Variants in PTPRD observed in about 807,000 individuals in gnomAD.
PTPRD encodes the protein protein tyrosine phosphatase receptor type D.
Under a neutral mutation model 214.5 loss-of-function variants are expected in PTPRD, and 34 were observed. The ratio of observed to expected loss-of-function variants is 0.16; its 90% CI spans 0.12 to 0.21. PTPRD has a LOEUF of 0.21. Among genes scored for constraint, PTPRD ranks in the 10% least tolerant of loss-of-function variants. The pLI, the probability that PTPRD is intolerant of heterozygous loss-of-function variation, is 1.00. For synonymous variants in PTPRD, 1,128 were observed against 845.7 expected (o/e 1.33, Z -5.79); for missense variants, 2,545 against 2,398.7 (o/e 1.06, Z -1.27).
At chr9:9,980,618 C>CAAAAAAAAAA (rs1202080056) in intron 4 of PTPRD, among the ~76,000 whole-genome samples, 8 of 23,266 alleles carry the variant, frequency 3.4e-4, no homozygotes, top group East Asian at 1.6e-3. Context: ...CAAAAAAAAA[C>CAAAAAAAAAA]AAAAAAAAAA....
intron 2 of PTPRD, among the ~76,000 whole-genome samples, chr9:10,567,536 A>G (rs909172410): frequency 6.6e-6 from 1 of 152,148 alleles, no homozygotes; most frequent in African/African-American, 2.4e-5. Flanking sequence ...AGGTTGTATT[A>G]GAGTGGGTGC....
At chr9:9,135,310 T>A (rs1223797067) in intron 10 of PTPRD, among the ~76,000 whole-genome samples, 6 of 152,230 alleles carry the variant, frequency 3.9e-5, no homozygotes, top group Non-Finnish European at 7.3e-5. Context: ...CAATATCTCT[T>A]GATTTATCAC....
intron 10 of PTPRD, among the ~76,000 whole-genome samples, chr9:9,034,433 T>C (rs1160284440): frequency 6.6e-6 from 1 of 152,192 alleles, no homozygotes; most frequent in African/African-American, 2.4e-5. Flanking sequence ...TTAAAATACC[T>C]GCACTATGTG....
At chr9:10,179,575 T>C (rs1017584054) in intron 3 of PTPRD, among the ~76,000 whole-genome samples, 8 of 152,180 alleles carry the variant, frequency 5.3e-5, no homozygotes, top group Middle Eastern at 3.4e-3. Flanking sequence ...GGGAAGTAAG[T>C]GCATATTAAA....
At chr9:9,557,215 G>C (rs1335732358) in intron 8 of PTPRD, among the ~76,000 whole-genome samples, 1 of 152,082 alleles carries the variant, frequency 6.6e-6, no homozygotes, top group East Asian at 1.9e-4. Flanking sequence ...AACTAGTTCA[G>C]GCCATGATGG....
chr9:8,562,226 G>T (rs2086674640), intron 14 of PTPRD, among the ~76,000 whole-genome samples: 1 of 151,966 alleles, frequency 6.6e-6, no homozygotes, highest in African/African-American at 2.4e-5. Context: ...TAAAAGTACT[G>T]AGGACTCATT....
At position 9,066,348 on chromosome 9, in the gene PTPRD, A is replaced by G. The variant is rs368134984; in HGVS notation, c.-142-47613T>C. Among the ~76,000 whole-genome samples the G allele has an allele frequency of 2.0e-5, 3 of 152,174 alleles. No individual in the cohort carries two copies. The East Asian group carries it at 5.8e-4, about 29-fold the overall frequency. On this transcript the variant is annotated intron_variant, in intron 10 of 45. Coordinates refer to ENST00000381196, the MANE Select transcript of PTPRD (RefSeq NM_002839.4). The stretch of plus-strand genomic sequence containing the variant: ...AAAACATATTTAACCTCTAAAAGAA[A>G]TGACAAGTCATATTTCCTATCTTTT...
At chr9:10,179,521 T>C (rs1177191849) in intron 3 of PTPRD, among the ~76,000 whole-genome samples, 3 of 152,044 alleles carry the variant, frequency 2.0e-5, no homozygotes, top group African/African-American at 7.2e-5. Context: ...AGTATTTATA[T>C]ATTGCTTGGA....
intron 7 of PTPRD, among the ~76,000 whole-genome samples, chr9:9,687,523 T>C (rs2097186781): frequency 1.4e-5 from 2 of 138,578 alleles, no homozygotes; most frequent in African/African-American, 2.6e-5. Context: ...AGGGAGAGCA[T>C]AGGGCAATTT....
At chr9:10,241,800 A>T (rs933615173) in intron 3 of PTPRD, among the ~76,000 whole-genome samples, 3 of 151,988 alleles carry the variant, frequency 2.0e-5, no homozygotes, top group African/African-American at 4.8e-5. Flanking sequence ...TATGTCAAAC[A>T]TATCCAACTG....
At chr9:8,723,286 G>A (rs1343032134) in intron 12 of PTPRD, among the ~76,000 whole-genome samples, 1 of 152,088 alleles carries the variant, frequency 6.6e-6, no homozygotes, top group East Asian at 1.9e-4. Context: ...TTCGGCTCAA[G>A]TGTTGTATCT....
intron 14 of PTPRD, among the ~76,000 whole-genome samples, chr9:8,583,950 G>A (rs758969084): frequency 6.6e-6 from 1 of 152,148 alleles, no homozygotes; most frequent in Non-Finnish European, 1.5e-5. Flanking sequence ...TTAGGCGTTT[G>A]AGATCAGCCT....
chr9:10,157,614 G>A lies in PTPRD; in HGVS notation c.-544-123824C>T, dbSNP rs150635403. On this transcript the variant is annotated intron_variant, in intron 3 of 45. Coordinates refer to ENST00000381196, the MANE Select transcript of PTPRD (RefSeq NM_002839.4). ...GGGGAATCTGATAATTATGTGACTT[G>A]GAAATGATCTTCTTGTGAAGTATCT... Among the ~76,000 whole-genome samples the A allele has an allele frequency of 5.7e-3, 868 of 152,000 alleles. 8 individuals carry two copies. The highest frequency in any genetic ancestry group is 0.016 in the African/African-American group (664 of 41,474).
rs550785467 is a variant in PTPRD, at chr9:8,572,621, A to G, written c.353-43842T>C. ...ACAACACAAAAATTCTTCAAGGGGAATTAGGCACTAGAATAACTGCTTAGA... is the reference window on the plus strand; with the variant it reads ...ACAACACAAAAATTCTTCAAGGGGAGTTAGGCACTAGAATAACTGCTTAGA... On this transcript the variant is annotated intron_variant, in intron 14 of 45. Coordinates refer to ENST00000381196, the MANE Select transcript of PTPRD (RefSeq NM_002839.4). 3.9e-5 allele frequency among the ~76,000 whole-genome samples: 6 copies of G among 152,188 alleles called. No individual in the cohort carries two copies. In the South Asian group the frequency reaches 1.2e-3, roughly 32 times the overall value.
chr9:9,005,113 G>A (rs2099454639), intron 11 of PTPRD, among the ~76,000 whole-genome samples: 3 of 152,096 alleles, frequency 2.0e-5, no homozygotes, highest in South Asian at 4.1e-4. Context: ...TTTTGCTATG[G>A]CTATAGTCTG....
rs2097166284 is a variant in PTPRD at position 9,686,291 on chromosome 9, GAA to G, written c.-287+48240_-287+48241del. Reference sequence around the variant, plus strand: ...CCTCTCATATTTGAGATGTATGTATGAATTATTTTTTCTAAAAATTCTATATT... The same window carrying G: ...CCTCTCATATTTGAGATGTATGTATGTTATTTTTTCTAAAAATTCTATATT... On this transcript the variant is annotated intron_variant, in intron 7 of 45. Transcript: ENST00000381196. 9.0e-5 allele frequency among the ~76,000 whole-genome samples: 7 copies of G among 77,650 alleles called. No individual in the cohort carries two copies. The Admixed American group carries it at 1.5e-3, about 16-fold the overall frequency. 50.9% of individuals were successfully genotyped at this position (77,650 alleles called of 152,430 possible).
chr9:10,109,558 CT>C (rs994152404), intron 3 of PTPRD, among the ~76,000 whole-genome samples: 1 of 152,168 alleles, frequency 6.6e-6, no homozygotes, highest in South Asian at 2.1e-4. Context: ...TAATAATCAA[CT>C]TTTACTCAGG....
At chr9:9,702,903 G>C (rs1012088281) in intron 7 of PTPRD, among the ~76,000 whole-genome samples, 1 of 152,108 alleles carries the variant, frequency 6.6e-6, no homozygotes, top group African/African-American at 2.4e-5. Flanking sequence ...TGAAAAATCC[G>C]TAAAGCCAAT....
At chr9:10,099,857 G>C (rs932127836) in intron 3 of PTPRD, among the ~76,000 whole-genome samples, 2 of 151,648 alleles carry the variant, frequency 1.3e-5, no homozygotes, top group African/African-American at 4.8e-5. Context: ...GACATTTTAT[G>C]AAAGATAGTT....
Sources: allele counts gnomAD v4.1 joint callset (sites outside exome capture counted in the v4.1 genomes callset), GRCh38; gene constraint gnomAD v4.1.1; transcripts MANE v1.5; gene names NCBI Gene and HGNC (gene_info 2026-07-23, HGNC 2026-07-21).